GABRG3: variants seen among roughly 807,000 people sequenced by gnomAD.
GABRG3 encodes gamma-aminobutyric acid receptor subunit gamma-3.
Under a neutral mutation model 48.8 loss-of-function variants are expected in GABRG3, and 25 were observed. The ratio of observed to expected loss-of-function variants is 0.51; its 90% CI spans 0.37 to 0.72. The LOEUF (loss-of-function observed/expected upper bound fraction) is 0.72, where lower values mean the gene tolerates loss of function less well. Ranked by LOEUF, GABRG3 falls within the 30% of genes least tolerant of loss-of-function variation. GABRG3 has a pLI of 0.00. For missense variants in GABRG3, 394 were observed against 577.9 expected (o/e 0.68, Z 3.26); for synonymous variants, 227 against 217.6 (o/e 1.04, Z -0.38).
chr15:27,429,770 T>C (rs1888395836), intron 5 of GABRG3, among the ~76,000 whole-genome samples: 1 of 152,234 alleles, frequency 6.6e-6, no homozygotes, highest in African/African-American at 2.4e-5. Context: ...TGCTGAGTAA[T>C]ATTCCATCGC....
chr15:27,391,811 T>G (rs1194611453), intron 5 of GABRG3, among the ~76,000 whole-genome samples: 1 of 152,240 alleles, frequency 6.6e-6, no homozygotes, highest in Non-Finnish European at 1.5e-5. Context: ...CACGGTTATA[T>G]GATCTCAACC....
rs898638740 is a variant in GABRG3 at position 27,179,749 on chromosome 15, A to G, written c.271-147060A>G. On this transcript the variant is annotated intron_variant, in intron 3 of 9. Transcript: ENST00000615808. This position sits in a 1 kb window ranked among gnomAD's most constrained non-coding sequence, Gnocchi z 4.0. ...GTGTCTTTTCATGGTGTGAATTTTG[A>G]ATGCTGTGGGAAAGATGGAAGCCAA... Among the ~76,000 whole-genome samples, 1 of 152,090 alleles carries G rather than the reference A, an allele frequency of 6.6e-6. No homozygotes were observed. The highest frequency in any genetic ancestry group is 6.6e-5 in the Admixed American group (1 of 15,264).
chr15:27,316,141 T>C (rs1240742528), intron 3 of GABRG3, among the ~76,000 whole-genome samples: 1 of 152,016 alleles, frequency 6.6e-6, no homozygotes, highest in Non-Finnish European at 1.5e-5. Flanking sequence ...TCCCAGCACT[T>C]TGGGAGGCCG....
At chr15:27,127,006 T>C (rs561006432) in intron 3 of GABRG3, among the ~76,000 whole-genome samples, 1 of 152,230 alleles carries the variant, frequency 6.6e-6, no homozygotes, top group Admixed American at 6.5e-5. Flanking sequence ...AATAGATTTT[T>C]AATAGTATAC....
intron 6 of GABRG3, among the ~76,000 whole-genome samples, chr15:27,506,347 T>C (rs1247147602): frequency 6.6e-6 from 1 of 152,214 alleles, no homozygotes; most frequent in Non-Finnish European, 1.5e-5. Flanking sequence ...TGGAGTCTTC[T>C]GTGACTGGTT....
At chr15:27,029,363 A>G (rs533588554) in intron 3 of GABRG3, among the ~76,000 whole-genome samples, 2 of 152,298 alleles carry the variant, frequency 1.3e-5, no homozygotes, top group Admixed American at 6.5e-5. Flanking sequence ...TGATTTCCTG[A>G]GGAAGACACA....
Position 27,179,325 on chromosome 15 carries a change from C to G in GABRG3, c.271-147484C>G, listed in dbSNP as rs1434901832. On this transcript the variant is annotated intron_variant, in intron 3 of 9. Transcript: ENST00000615808. This position sits in a 1 kb window ranked among gnomAD's most constrained non-coding sequence, Gnocchi z 4.0. ...CAATTTCCCACATGTGGCCAATGCACTTTATCATATGTGTCCGTGAGAATA... is the reference window on the plus strand; with the variant it reads ...CAATTTCCCACATGTGGCCAATGCAGTTTATCATATGTGTCCGTGAGAATA... Among the ~76,000 whole-genome samples the G allele has an allele frequency of 1.3e-5, 2 of 152,210 alleles. No homozygotes were observed. The highest frequency in any genetic ancestry group is 4.8e-5 in the African/African-American group (2 of 41,460).
chr15:27,502,990 A>G (rs939571989), intron 6 of GABRG3, among the ~76,000 whole-genome samples: 14 of 152,154 alleles, frequency 9.2e-5, no homozygotes, highest in African/African-American at 3.4e-4. Context: ...CCTCTTACAG[A>G]GACTTTATTA....
intron 3 of GABRG3, among the ~76,000 whole-genome samples, chr15:27,226,232 G>A (rs897587043): frequency 1.3e-5 from 2 of 152,104 alleles, no homozygotes; most frequent in African/African-American, 4.8e-5. Flanking sequence ...ATGCCCTCAG[G>A]TGACTGTCAG....
chr15:27,529,967 A>G (rs1245000949), intron 9 of GABRG3, among the ~76,000 whole-genome samples: 1 of 152,142 alleles, frequency 6.6e-6, no homozygotes, highest in African/African-American at 2.4e-5. Context: ...TCACAGACAG[A>G]AAGGGTGCCA....
intron 5 of GABRG3, among the ~76,000 whole-genome samples, chr15:27,394,874 A>G (rs1887254521): frequency 6.6e-6 from 1 of 152,084 alleles, no homozygotes; most frequent in Non-Finnish European, 1.5e-5. Flanking sequence ...CTTGCTTTGA[A>G]GAGTCTCTCT....
intron 5 of GABRG3, among the ~76,000 whole-genome samples, chr15:27,392,360 C>T (rs917923921): frequency 6.6e-6 from 1 of 152,144 alleles, no homozygotes; most frequent in Admixed American, 6.5e-5. Flanking sequence ...ATGACCCTGA[C>T]ATTTTTGGGG....
intron 5 of GABRG3, among the ~76,000 whole-genome samples, chr15:27,440,129 G>A (rs575959855): frequency 8.5e-5 from 13 of 152,242 alleles, no homozygotes; most frequent in Non-Finnish European, 1.5e-4. Context: ...CACCGGCCCT[G>A]CCACCCTTTC....
At chr15:27,279,587 A>C (rs1405354467) in intron 3 of GABRG3, among the ~76,000 whole-genome samples, 5 of 152,012 alleles carry the variant, frequency 3.3e-5, no homozygotes, top group Non-Finnish European at 5.9e-5. Context: ...TCATGGGTCT[A>C]TTTCTGGATT....
At chr15:27,184,865 C>T (rs208123) in intron 3 of GABRG3, among the ~76,000 whole-genome samples, 24,342 of 151,874 alleles carry the variant, frequency 0.16, 2,010 homozygotes, top group East Asian at 0.33. Flanking sequence ...TTAATGGCTG[C>T]GAGAGGTGTA....
chr15:27,048,283 T>A (rs1005148750), intron 3 of GABRG3, among the ~76,000 whole-genome samples: 1 of 152,030 alleles, frequency 6.6e-6, no homozygotes, highest in African/African-American at 2.4e-5. Context: ...ACATGGTTTG[T>A]GTGCCAGCCC....
At chr15:27,525,514 G>T (rs1293985376) in intron 7 of GABRG3, among the ~76,000 whole-genome samples, 1 of 152,060 alleles carries the variant, frequency 6.6e-6, no homozygotes, top group African/African-American at 2.4e-5. Context: ...CTTCAGCAGG[G>T]TGAAGTTTCA....
intron 9 of GABRG3, 146 bp downstream of exon 9, chr15:27,528,138 T>A: frequency 1.5e-6 from 1 of 667,776 alleles, no homozygotes; most frequent in Non-Finnish European, 2.6e-6. Flanking sequence ...TGTTTAGTAT[T>A]AGGTTAAAAA....
intron 5 of GABRG3, among the ~76,000 whole-genome samples, chr15:27,404,368 T>G (rs1221509884): frequency 1.3e-5 from 2 of 152,316 alleles, no homozygotes; most frequent in African/African-American, 4.8e-5. Flanking sequence ...CTGGTAGCTG[T>G]GACCTGCAGC....
Sources: gnomAD v4.1 joint callset for allele counts (sites outside exome capture counted in the v4.1 genomes callset) on GRCh38, gnomAD v4.1.1 for gene constraint, Gnocchi (gnomAD v3.1) non-coding constraint, MANE v1.5 for transcripts, NCBI Gene and HGNC (gene_info 2026-07-23, HGNC 2026-07-21) for gene names.